ANKRD46: variants seen among roughly 807,000 people sequenced by gnomAD.
The protein encoded by ANKRD46 is ankyrin repeat domain-containing protein 46.
Under a neutral mutation model 19.8 loss-of-function variants are expected in ANKRD46, and 13 were observed. The observed-to-expected ratio is 0.66, with a 90% CI of 0.43 to 1.04. The LOEUF (loss-of-function observed/expected upper bound fraction) is 1.04, where lower values mean the gene tolerates loss of function less well. ANKRD46 is among the 50% of genes least tolerant of loss of function. The pLI is 0.00. For missense variants in ANKRD46, 185 were observed against 274.8 expected, an observed-to-expected ratio of 0.67 and a Z score of 2.31; for synonymous variants, 91 against 106.9, an observed-to-expected ratio of 0.85 and a Z score of 0.92.
chr8:100,522,513 C>G lies in ANKRD46; in HGVS notation c.*42G>C, dbSNP rs747335527. The G allele has an allele frequency of 6.2e-7, 1 of 1,605,548 alleles. No homozygotes were observed. On this transcript the variant is annotated 3_prime_UTR_variant, in exon 5 of 5. Coordinates refer to ENST00000335659, the MANE Select transcript of ANKRD46 (RefSeq NM_001270377.2). ...GAAACTGAGAACAAACATTGGAAGCCAGGAAACAGGCAATTAATTGCCTCA... is the reference window on the plus strand; with the variant it reads ...GAAACTGAGAACAAACATTGGAAGCGAGGAAACAGGCAATTAATTGCCTCA...
chr8:100,556,599 C>T (rs1812505829), intron 1 of ANKRD46: 1 of 152,218 alleles, frequency 6.6e-6, no homozygotes. Context: ...ATACTGCAGT[C>T]TCCAATGCTC....
chr8:100,536,295 T>G lies in ANKRD46; in HGVS notation c.-130-2984A>C, dbSNP rs114340221. Among the ~76,000 whole-genome samples, 3,715 of 152,020 alleles carry G rather than the reference T, an allele frequency of 0.024. 163 individuals are homozygous for G. Among genetic ancestry groups the G allele is most frequent in the African/African-American group, 0.083 (3,418 of 41,416 alleles). Reference sequence around the variant, plus strand: ...GTGGGAAAAGTAGCGGGGAGAGATATGTGATAGTCTGACTCTCCTGAAAGG... The same window carrying G: ...GTGGGAAAAGTAGCGGGGAGAGATAGGTGATAGTCTGACTCTCCTGAAAGG... On this transcript the variant is annotated intron_variant, in intron 1 of 4. Coordinates refer to ENST00000335659, the MANE Select transcript of ANKRD46 (RefSeq NM_001270377.2). The surrounding 1 kb of genome is among the most constrained non-coding windows in gnomAD (Gnocchi z 4.9).
rs1013824275 is a variant in ANKRD46, at chr8:100,546,458, C to T, written c.-130-13147G>A. ...TTGGCAGCTTCCATGTGGTGTTGGG[C>T]CTGTAGGTGTGCAGAAGACAGGAGT... On this transcript the variant is annotated intron_variant, in intron 1 of 4. Coordinates refer to ENST00000335659, the MANE Select transcript of ANKRD46 (RefSeq NM_001270377.2). The surrounding 1 kb of genome is among the most constrained non-coding windows in gnomAD (Gnocchi z 4.0). Among the ~76,000 whole-genome samples, 2 of 152,220 alleles carry T rather than the reference C, an allele frequency of 1.3e-5. No individual in the cohort carries two copies. The highest frequency in any genetic ancestry group is 4.8e-5 in the African/African-American group (2 of 41,446).
In ANKRD46 at chr8:100,522,166, A is replaced by G. The variant is rs1045595101; in HGVS notation, c.*389T>C. 1 of 993,804 alleles carries G rather than the reference A, an allele frequency of 1.0e-6. No homozygotes were observed. The highest frequency in any genetic ancestry group is 1.7e-5 in the African/African-American group (1 of 57,580). The allele number at this position is 993,804 out of a possible 1,614,324, so 61.6% of individuals were successfully genotyped here. A position where few individuals can be genotyped will look rare whatever the true frequency, so the allele number is the denominator to read the frequency against. On this transcript the variant is annotated 3_prime_UTR_variant, in exon 5 of 5. Transcript: ENST00000335659. ...AATGAAAACAAAACCACCAACAAAA[A>G]CTAATCATATAAGATACTGTTTTTC...
chr8:100,519,373 T>G (rs1362784505), downstream of ANKRD46, among the ~76,000 whole-genome samples: 1 of 152,152 alleles, frequency 6.6e-6, no homozygotes, highest in Non-Finnish European at 1.5e-5. Context: ...CAGAACCAGC[T>G]GGAGGAAGCA....
chr8:100,536,065 C>T lies in ANKRD46; in HGVS notation c.-130-2754G>A, dbSNP rs530082252. Among the ~76,000 whole-genome samples the T allele has an allele frequency of 1.3e-5, 2 of 151,780 alleles. No individual in the cohort carries two copies. Among genetic ancestry groups the T allele is most frequent in the African/African-American group, 2.4e-5 (1 of 41,300 alleles). On this transcript the variant is annotated intron_variant, in intron 1 of 4. Coordinates refer to ENST00000335659, the MANE Select transcript of ANKRD46 (RefSeq NM_001270377.2). This position sits in a 1 kb window ranked among gnomAD's most constrained non-coding sequence, Gnocchi z 4.9. The stretch of plus-strand genomic sequence containing the variant: ...TTATTTATGGAAGAACCTGTAGGAC[C>T]AAGCATTTGCAAGGGCACAGGTGGA...
chr8:100,543,369 G>T lies in ANKRD46; in HGVS notation c.-130-10058C>A, dbSNP rs940636266. The stretch of plus-strand genomic sequence containing the variant: ...GATTTGTTCTATAACAAATACTAAG[G>T]AAACTGGGAATAAAATGGTAAATTT... On this transcript the variant is annotated intron_variant, in intron 1 of 4. Coordinates refer to ENST00000335659, the MANE Select transcript of ANKRD46 (RefSeq NM_001270377.2). The surrounding 1 kb of genome is among the most constrained non-coding windows in gnomAD (Gnocchi z 4.2). Among the ~76,000 whole-genome samples, 2 of 152,114 alleles carry T rather than the reference G, an allele frequency of 1.3e-5. No individual in the cohort carries two copies. The highest frequency in any genetic ancestry group is 4.8e-5 in the African/African-American group (2 of 41,430).
At position 100,557,951 on chromosome 8, in the gene ANKRD46, C is replaced by T. The variant is rs1812533424; in HGVS notation, c.-131+1760G>A. On this transcript the variant is annotated intron_variant, in intron 1 of 4. Transcript: ENST00000335659. The surrounding 1 kb of genome is among the most constrained non-coding windows in gnomAD (Gnocchi z 5.9). ...TCCAGATACGTTAACTTTCACAAAT[C>T]CCGCTTATCGTCCCCAACCCCACCT... 6.6e-6 allele frequency among the ~76,000 whole-genome samples: 1 copy of T among 152,202 alleles called. No homozygotes were observed. The highest frequency in any genetic ancestry group is 2.1e-4 in the South Asian group (1 of 4,832).
chr8:100,551,343 G>A (rs1335853285), intron 1 of ANKRD46: 2 of 570,898 alleles, frequency 3.5e-6, no homozygotes, highest in Non-Finnish European at 6.6e-6. Context: ...GGCATCAGCA[G>A]AGGGGGTAGA....
chr8:100,541,299 A>G (rs117757676), intron 1 of ANKRD46, among the ~76,000 whole-genome samples: 1,699 of 152,252 alleles, frequency 0.011, 19 homozygotes, highest in Middle Eastern at 0.02. Context: ...GTTTCAAAAT[A>G]TAAGAATTGT....
intron 1 of ANKRD46, among the ~76,000 whole-genome samples, chr8:100,540,283 A>G (rs376733906): frequency 2.0e-5 from 3 of 152,266 alleles, no homozygotes; most frequent in Middle Eastern, 3.4e-3. Flanking sequence ...CATAAGGGAG[A>G]ACATTAGTCT....
Position 100,510,881 on chromosome 8 carries a change from G to C in ANKRD46, c.637-242C>G, listed in dbSNP as rs991221612. ...CAAGGACTGTGTTCAATGTCCTCTC[G>C]AGCTAATAATTAAGGTATTATTTAA... On this transcript the variant is annotated intron_variant, in intron 5 of 5. Coordinates refer to the ANKRD46 transcript ENST00000520552. The surrounding 1 kb of genome is among the most constrained non-coding windows in gnomAD (Gnocchi z 4.9). Among the ~76,000 whole-genome samples, 1 of 152,090 alleles carries C rather than the reference G, an allele frequency of 6.6e-6. No individual in the cohort carries two copies. The highest frequency in any genetic ancestry group is 1.5e-5 in the Non-Finnish European group (1 of 68,016).
intron 1 of ANKRD46, chr8:100,554,457 C>T (rs536400529): frequency 1.3e-5 from 2 of 152,246 alleles, no homozygotes; most frequent in African/African-American, 4.8e-5. Flanking sequence ...GTGACTCACA[C>T]CTATAGTCCC....
intron 1 of ANKRD46, among the ~76,000 whole-genome samples, chr8:100,535,111 T>A (rs1295739309): frequency 6.6e-6 from 1 of 152,204 alleles, no homozygotes; most frequent in African/African-American, 2.4e-5. Context: ...GAAAATACAC[T>A]TGAACAAATT....
chr8:100,514,691 G>A (rs920301686), intron 5 of ANKRD46, among the ~76,000 whole-genome samples: 10 of 134,518 alleles, frequency 7.4e-5, no homozygotes, highest in Middle Eastern at 4.5e-3. Flanking sequence ...GTGCAATCTC[G>A]GCTTACTGCA....
chr8:100,515,833 G>A (rs1438894827), downstream of ANKRD46, among the ~76,000 whole-genome samples: 1 of 151,218 alleles, frequency 6.6e-6, no homozygotes, highest in African/African-American at 2.4e-5. Context: ...GACTTCTAAT[G>A]CCCCATCTCT....
Position 100,546,675 on chromosome 8 carries a change from G to C in ANKRD46, c.-131+13036C>G, listed in dbSNP as rs1414369137. Among the ~76,000 whole-genome samples the C allele has an allele frequency of 6.6e-6, 1 of 152,228 alleles. No individual in the cohort carries two copies. The highest frequency in any genetic ancestry group is 1.5e-5 in the Non-Finnish European group (1 of 68,032). On this transcript the variant is annotated intron_variant, in intron 1 of 4. Coordinates refer to ENST00000335659, the MANE Select transcript of ANKRD46 (RefSeq NM_001270377.2). This position sits in a 1 kb window ranked among gnomAD's most constrained non-coding sequence, Gnocchi z 4.0. ...CTGCCTAGTGGAGCTATGAGAAAAGGGCCACTGTCCTCCAGACCCCAGAAA... is the reference window on the plus strand; with the variant it reads ...CTGCCTAGTGGAGCTATGAGAAAAGCGCCACTGTCCTCCAGACCCCAGAAA...
chr8:100,541,199 T>G (rs1812169138), intron 1 of ANKRD46, among the ~76,000 whole-genome samples: 1 of 151,962 alleles, frequency 6.6e-6, no homozygotes, highest in African/African-American at 2.4e-5. Context: ...CCAGGCCTAT[T>G]CAGAAATCTA....
At position 100,532,449 on chromosome 8, in the gene ANKRD46, T is replaced by C. The variant is rs1811984560; in HGVS notation, c.-28+760A>G. The C allele has an allele frequency of 6.6e-6, 1 of 152,014 alleles. No homozygotes were observed. Among genetic ancestry groups the C allele is most frequent in the Non-Finnish European group, 1.5e-5 (1 of 68,014 alleles). 9.4% of individuals were successfully genotyped at this position (152,014 alleles called of 1,614,324 possible). ...GAGCCACAGCACTCCAGCCTGGGCA[T>C]CAAAGTGAGGCCTGTCTCAAAAAAA... On this transcript the variant is annotated intron_variant, in intron 2 of 4. Transcript: ENST00000335659. This position sits in a 1 kb window ranked among gnomAD's most constrained non-coding sequence, Gnocchi z 4.7.
Sources: gnomAD v4.1 joint callset for allele counts (sites outside exome capture counted in the v4.1 genomes callset) on GRCh38, gnomAD v4.1.1 for gene constraint, Gnocchi (gnomAD v3.1) non-coding constraint, MANE v1.5 for transcripts, NCBI Gene and HGNC (gene_info 2026-07-23, HGNC 2026-07-21) for gene names.